The following ADK variants were observed in gnomAD, a reference collection of about 807,000 sequenced individuals.
ADK encodes N6,N6-dimethyladenosine kinase.
In ADK, 24 loss-of-function variants were observed where a neutral mutation model predicts 44.7. The observed-to-expected ratio is 0.54, with a 90% CI of 0.39 to 0.76. The LOEUF (loss-of-function observed/expected upper bound fraction) is 0.76. ADK is among the 30% of genes least tolerant of loss of function. The pLI is 0.00. For synonymous variants in ADK, 128 were observed against 142.6 expected, an observed-to-expected ratio of 0.90 and a Z score of 0.73; for missense variants, 321 against 425.1, an observed-to-expected ratio of 0.76 and a Z score of 2.15.
At chr10:74,509,306 C>T (rs1848210213) in intron 6 of ADK, 1 of 152,220 alleles carries the variant, frequency 6.6e-6, no homozygotes, top group Non-Finnish European at 1.5e-5. Context: ...GATTCTCCTG[C>T]CTCAGCTTCC....
intron 9 of ADK, among the ~76,000 whole-genome samples, chr10:74,637,227 A>T (rs763911395): frequency 6.6e-6 from 1 of 152,212 alleles, no homozygotes; most frequent in Non-Finnish European, 1.5e-5. Context: ...AATTCTGAAT[A>T]TAAAATAATC....
At chr10:74,331,077 G>A (rs191601339) in intron 4 of ADK, among the ~76,000 whole-genome samples, 129 of 151,096 alleles carry the variant, frequency 8.5e-4, no homozygotes, top group African/African-American at 2.9e-3. Context: ...ATACATAATC[G>A]TTTTGAGCTA....
rs563047089 is a variant in ADK, at chr10:74,151,238, A to T, written c.-41A>T. On this transcript the variant is annotated 5_prime_UTR_variant, in exon 1 of 11. Coordinates refer to ENST00000539909, the MANE Select transcript of ADK (RefSeq NM_006721.4). ...GGGGCGGGACCAGAGAGTGGATGGC[A>T]GAGGTGGGCTGTAGAGCCAAAGTGG... is the stretch of plus-strand genomic sequence containing the variant. 6.5e-7 allele frequency: 1 copy of T among 1,547,880 alleles called. No homozygotes were observed. Among genetic ancestry groups the T allele is most frequent in the South Asian group, 1.2e-5 (1 of 83,914 alleles).
At chr10:74,321,398 C>T (rs1008020134) in intron 4 of ADK, among the ~76,000 whole-genome samples, 4 of 152,072 alleles carry the variant, frequency 2.6e-5, no homozygotes, top group Non-Finnish European at 4.4e-5. Context: ...ATTCTCCTGC[C>T]TCAGCCTCCT....
chr10:74,266,512 C>T (rs559973540), intron 3 of ADK, among the ~76,000 whole-genome samples: 147 of 151,766 alleles, frequency 9.7e-4, no homozygotes, highest in Non-Finnish European at 1.7e-3. Context: ...TCGGAGATCG[C>T]GCCACTGCAC....
intron 6 of ADK, among the ~76,000 whole-genome samples, chr10:74,465,526 T>C (rs1232228832): frequency 6.6e-6 from 1 of 152,172 alleles, no homozygotes; most frequent in African/African-American, 2.4e-5. Flanking sequence ...CACTGTTATA[T>C]GGACAAAACT....
intron 4 of ADK, among the ~76,000 whole-genome samples, chr10:74,393,393 A>C (rs1230841442): frequency 6.6e-6 from 1 of 152,222 alleles, no homozygotes; most frequent in Non-Finnish European, 1.5e-5. Context: ...TCTTACAAGA[A>C]ATCCATTAAA....
At chr10:74,515,215 C>G (rs1209159372) in intron 6 of ADK, among the ~76,000 whole-genome samples, 2 of 152,160 alleles carry the variant, frequency 1.3e-5, no homozygotes, top group Non-Finnish European at 2.9e-5. Flanking sequence ...TTTGTAGTCT[C>G]TGAGTAATTT....
chr10:74,169,314 TA>T (rs1445243651), intron 1 of ADK, among the ~76,000 whole-genome samples: 1 of 152,254 alleles, frequency 6.6e-6, no homozygotes. Flanking sequence ...TATATTTTTG[TA>T]TTAAAATCCC....
intron 4 of ADK, among the ~76,000 whole-genome samples, chr10:74,386,129 C>A (rs1328123974): frequency 6.6e-6 from 1 of 152,076 alleles, no homozygotes; most frequent in East Asian, 1.9e-4. Flanking sequence ...TGCTATTTTC[C>A]TTATCAATCT....
intron 3 of ADK, among the ~76,000 whole-genome samples, chr10:74,271,282 G>A (rs1054652932): frequency 2.6e-5 from 4 of 152,030 alleles, no homozygotes; most frequent in Non-Finnish European, 1.5e-5. Context: ...CAGTTCTAAT[G>A]TTGGAATTTT....
In ADK at chr10:74,247,257, G is replaced by A. The variant is rs559513706; in HGVS notation, c.194+22666G>A. On this transcript the variant is annotated intron_variant, in intron 3 of 10. Transcript: ENST00000539909. ...TTTTTTTTTTTTTTTTTGAGACAGA[G>A]TCTTGCTGTGTCAGCTAGGCTCGGG... 8.0e-4 allele frequency among the ~76,000 whole-genome samples: 86 copies of A among 107,038 alleles called. 1 individual carries two copies. The East Asian group carries it at 0.019, about 24-fold the overall frequency. 70.2% of individuals were successfully genotyped at this position (107,038 alleles called of 152,430 possible).
At chr10:74,513,466 A>C (rs1208406645) in intron 6 of ADK, among the ~76,000 whole-genome samples, 1 of 152,138 alleles carries the variant, frequency 6.6e-6, no homozygotes, top group African/African-American at 2.4e-5. Context: ...TTGTTGGATC[A>C]ATCCTTTTAT....
chr10:74,291,059 A>G (rs939797607), intron 3 of ADK, among the ~76,000 whole-genome samples: 2 of 152,204 alleles, frequency 1.3e-5, no homozygotes, highest in African/African-American at 2.4e-5. Flanking sequence ...TTTATTGCCC[A>G]TATGTAAAAT....
intron 6 of ADK, among the ~76,000 whole-genome samples, chr10:74,479,158 C>A (rs915885167): frequency 1.3e-5 from 2 of 152,054 alleles, no homozygotes; most frequent in Non-Finnish European, 2.9e-5. Flanking sequence ...ACCACCACAC[C>A]TATCTAGTTT....
intron 1 of ADK, among the ~76,000 whole-genome samples, chr10:74,185,882 C>CTGTTGCCCAGGCTGGAG (rs1006720340): frequency 1.4e-5 from 2 of 147,434 alleles, no homozygotes; most frequent in African/African-American, 5.0e-5. Flanking sequence ...GATCCTCCCT[C>CTGTTGCCCAGGCTGGAG]TGTTGCCCAG....
At chr10:74,367,602 T>G (rs1842535038) in intron 4 of ADK, among the ~76,000 whole-genome samples, 1 of 152,242 alleles carries the variant, frequency 6.6e-6, no homozygotes, top group Non-Finnish European at 1.5e-5. Flanking sequence ...TACTCGGTGC[T>G]TTTGCAGTCA....
chr10:74,496,283 C>T (rs936874401), intron 6 of ADK, among the ~76,000 whole-genome samples: 3 of 152,064 alleles, frequency 2.0e-5, no homozygotes, highest in African/African-American at 7.2e-5. Flanking sequence ...GCTCTGTGTC[C>T]CCACCCAAAT....
intron 4 of ADK, among the ~76,000 whole-genome samples, chr10:74,334,093 G>A (rs1441035824): frequency 6.6e-6 from 1 of 152,152 alleles, no homozygotes; most frequent in African/African-American, 2.4e-5. Flanking sequence ...CTAGCAACCA[G>A]TATCAGAAAT....
Sources: gnomAD v4.1 joint callset for allele counts (sites outside exome capture counted in the v4.1 genomes callset) on GRCh38, gnomAD v4.1.1 for gene constraint, MANE v1.5 for transcripts, NCBI Gene and HGNC (gene_info 2026-07-23, HGNC 2026-07-21) for gene names.